COL20A1: variants seen among roughly 807,000 people sequenced by gnomAD.
COL20A1 encodes the protein collagen alpha-1(XX) chain.
In COL20A1, 164 loss-of-function variants were observed where a neutral mutation model predicts 152.9. The observed-to-expected ratio is 1.07, with a 90% confidence interval of 0.94 to 1.22. COL20A1 has a LOEUF of 1.22. Ranked by LOEUF, COL20A1 falls within the 50% of genes most tolerant of loss-of-function variation. COL20A1 has a pLI of 0.00. For missense variants in COL20A1, 1,873 were observed against 1,744.8 expected, an observed-to-expected ratio of 1.07 and a Z score of -1.31; for synonymous variants, 864 against 756.0, an observed-to-expected ratio of 1.14 and a Z score of -2.34.
Position 63,334,565 on chromosome 20 carries a change from G to C in COL20A1, c.*3849G>C, listed in dbSNP as rs1053782767. ...TCTGAGTAGCAGGAACCACAGGCGT[G>C]CGCCACCACGCTTGGCTAATGTTTT... On this transcript the variant is annotated 3_prime_UTR_variant, in exon 36 of 36. Coordinates refer to ENST00000358894, the MANE Select transcript of COL20A1 (RefSeq NM_020882.4). 6.6e-6 allele frequency: 1 copy of C among 152,212 alleles called. No homozygotes were observed. The highest frequency in any genetic ancestry group is 1.5e-5 in the Non-Finnish European group (1 of 68,052). 9.4% of individuals were successfully genotyped at this position (152,212 alleles called of 1,614,324 possible). A position where few individuals can be genotyped will look rare whatever the true frequency, so the allele number is the denominator to read the frequency against.
chr20:63,298,722 A>G (rs1325286251), intron 3 of COL20A1, among the ~76,000 whole-genome samples: 1 of 152,226 alleles, frequency 6.6e-6, no homozygotes, highest in Non-Finnish European at 1.5e-5. Context: ...TTCCAGGAGC[A>G]GGGCCTTGAG....
chr20:63,304,730 TCCC>T (rs2067902476), intron 3 of COL20A1, among the ~76,000 whole-genome samples: 1 of 144,014 alleles, frequency 6.9e-6, no homozygotes, highest in East Asian at 2.3e-4. Context: ...CCTCCCTCCC[TCCC>T]TCCCTCGAGG....
intron 7 of COL20A1, among the ~76,000 whole-genome samples, 189 bp downstream of exon 7, chr20:63,308,279 C>T (rs547364756): frequency 6.6e-5 from 10 of 152,330 alleles, no homozygotes; most frequent in Admixed American, 1.3e-4. Flanking sequence ...GTGTCCAGCG[C>T]GTGGCTCCTC....
chr20:63,316,836 G>A, intron 21 of COL20A1, 145 bp downstream of exon 21: 2 of 701,548 alleles, frequency 2.9e-6, no homozygotes, highest in Non-Finnish European at 4.3e-6. Flanking sequence ...GCAAACGGCT[G>A]ACTCACCCCA....
chr20:63,322,108 C>T lies in COL20A1; in HGVS notation c.3291C>T (p.Pro1097=). Residue 1097 remains proline, a synonymous_variant, in exon 27 of 36, where the codon CCC becomes CCT. Transcript: ENST00000358894. The part of the protein sequence containing the change: ...GTPGEQGFPG[P]RGPPGVKGEK... ...CAGGAGAGCAGGGCTTCCCAGGGCC[C>T]AGGGTAAGTTTTGGGGAGCCCTGGG... 1 of 1,498,158 alleles carries T rather than the reference C, an allele frequency of 6.7e-7. No individual in the cohort carries two copies. The highest frequency in any genetic ancestry group is 8.9e-7 in the Non-Finnish European group (1 of 1,128,176). 92.8% of individuals were successfully genotyped at this position (1,498,158 alleles called of 1,614,324 possible). A position where few individuals can be genotyped will look rare whatever the true frequency, so the allele number is the denominator to read the frequency against.
Position 63,308,106 on chromosome 20 carries a change from G to GCC in COL20A1, c.775+19_775+20dup, listed in dbSNP as rs1461328540. On this transcript the variant is annotated intron_variant, in intron 7 of 35. Transcript: ENST00000358894. ...ACGTTCACAGGTACGGCCCAGGCCT[G>GCC]CCCCTCCCTCTGTCCTGAGGGCGGA... The GCC allele has an allele frequency of 6.2e-7, 1 of 1,611,530 alleles. No homozygotes were observed. Among genetic ancestry groups the GCC allele is most frequent in the South Asian group, 1.1e-5 (1 of 91,048 alleles).
chr20:63,300,962 G>A (rs1222040980), intron 3 of COL20A1, among the ~76,000 whole-genome samples: 1 of 152,038 alleles, frequency 6.6e-6, no homozygotes, highest in Admixed American at 6.6e-5. Context: ...TTTTGTTTTG[G>A]ATTTCTTCCT....
At position 63,315,440 on chromosome 20, in the gene COL20A1, G is replaced by C. The variant is rs1224196315; in HGVS notation, c.2524+1G>C. The C allele has an allele frequency of 6.4e-7, 1 of 1,574,414 alleles. No individual in the cohort carries two copies. The highest frequency in any genetic ancestry group is 1.2e-5 in the South Asian group (1 of 86,058). ...CTCCGCCCTGACGGCTCCCTCCCAG[G>C]TGGGTCCTGCATGCCCTCCCCTGCC... On this transcript the variant is annotated splice_donor_variant, in intron 20 of 35. Transcript: ENST00000358894. LOFTEE classifies it high-confidence loss of function.
At chr20:63,293,451 G>A (rs969651937) in intron 1 of COL20A1, among the ~76,000 whole-genome samples, 176 bp downstream of exon 1, 13 of 152,112 alleles carry the variant, frequency 8.5e-5, no homozygotes, top group Non-Finnish European at 1.3e-4. Context: ...AGGAGGGGCC[G>A]GGGCAGTGGG....
chr20:63,307,860 G>A, intron 6 of COL20A1, 111 bp from the exon 7 acceptor site: 2 of 1,372,228 alleles, frequency 1.5e-6, no homozygotes, highest in Non-Finnish European at 2.0e-6. Context: ...GGCTACTGTG[G>A]CCAGGTGACC....
At chr20:63,318,459 A>G (rs2068113197) in intron 21 of COL20A1, among the ~76,000 whole-genome samples, 1 of 152,138 alleles carries the variant, frequency 6.6e-6, no homozygotes. Flanking sequence ...TTCCTGGAAC[A>G]TTAGGGGACC....
rs542192571 is a variant in COL20A1 at position 63,294,410 on chromosome 20, C to T, written c.-10-688C>T. On this transcript the variant is annotated intron_variant, in intron 1 of 35. Coordinates refer to ENST00000358894, the MANE Select transcript of COL20A1 (RefSeq NM_020882.4). ...GCTCCTCAGAGCACCCCAAATCCAA[C>T]CTCCACTCCCAGCCCCTTTGAGTGG... 3.3e-5 allele frequency among the ~76,000 whole-genome samples: 5 copies of T among 151,934 alleles called. No individual in the cohort carries two copies. The South Asian group carries it at 1.0e-3, about 32-fold the overall frequency.
chr20:63,293,606 T>A (rs1312825329), intron 1 of COL20A1, among the ~76,000 whole-genome samples: 1 of 151,740 alleles, frequency 6.6e-6, no homozygotes, highest in African/African-American at 2.4e-5. Flanking sequence ...CTGGCAGGGG[T>A]CCCACTGAGT....
chr20:63,310,310 G>A (rs1434619949), intron 10 of COL20A1, 71 bp from the exon 11 acceptor site: 44 of 1,543,858 alleles, frequency 2.9e-5, no homozygotes, highest in Non-Finnish European at 3.1e-5. Context: ...TCCAGCTGAC[G>A]GAGTTCCTGT....
chr20:63,311,317 T>C lies in COL20A1; in HGVS notation c.1394-77T>C. 7.1e-7 allele frequency: 1 copy of C among 1,410,196 alleles called. No homozygotes were observed. The highest frequency in any genetic ancestry group is 9.5e-7 in the Non-Finnish European group (1 of 1,057,722). The allele number at this position is 1,410,196 out of a possible 1,614,324, so 87.4% of individuals were successfully genotyped here. On this transcript the variant is annotated intron_variant, in intron 11 of 35. Transcript: ENST00000358894. The surrounding 1 kb of genome is among the most constrained non-coding windows in gnomAD (Gnocchi z 4.4). ...AGGCGGTGGCCGTGCCCACCCACTC[T>C]GGTGTGAGGGTGCCCCGTGCGTGGG... is the stretch of plus-strand genomic sequence containing the variant.
chr20:63,295,066 G>A (rs1437375125), intron 1 of COL20A1, 32 bp from the exon 2 acceptor site: 12 of 1,416,316 alleles, frequency 8.5e-6, no homozygotes, highest in Middle Eastern at 1.8e-4. Context: ...ACGGGGGGAC[G>A]GCTGAAGGGC....
rs779526699 is a variant in COL20A1 at position 63,307,562 on chromosome 20, T to C, written c.569T>C (p.Ile190Thr). 4 of 1,612,556 alleles carry C rather than the reference T, an allele frequency of 2.5e-6. No homozygotes were observed. The African/African-American group carries it at 5.3e-5, about 22-fold the overall frequency. ...MVFLVDGSWS[I>T]GHSHFQQVKD... ...TTCCTGGTGGACGGGTCCTGGAGCATTGGCCACAGTCACTTCCAGCAGGTC... is the reference window on the plus strand; with the variant it reads ...TTCCTGGTGGACGGGTCCTGGAGCACTGGCCACAGTCACTTCCAGCAGGTC... Residue 190 changes from isoleucine (I) to threonine (T), a missense_variant, in exon 6 of 36, where the codon ATT becomes ACT. Ile to Thr is a moderately conservative substitution (Grantham distance 89, BLOSUM62 -1). Transcript: ENST00000358894.
At chr20:63,317,075 G>T (rs1220804778) in intron 21 of COL20A1, among the ~76,000 whole-genome samples, 1 of 152,154 alleles carries the variant, frequency 6.6e-6, no homozygotes, top group Non-Finnish European at 1.5e-5. Context: ...ATGAGATTTG[G>T]GACAATTCCT....
In COL20A1 at chr20:63,306,357, G is replaced by A. The variant is rs991092970; in HGVS notation, c.496+318G>A. ...CCACACGGTCTCTGACCACGAGGCC[G>A]GGAAGTTCTTCCTCGTGTCTGACCA... is the stretch of plus-strand genomic sequence containing the variant. On this transcript the variant is annotated intron_variant, in intron 5 of 35. Transcript: ENST00000358894. The surrounding 1 kb of genome is among the most constrained non-coding windows in gnomAD (Gnocchi z 6.9). Among the ~76,000 whole-genome samples the A allele has an allele frequency of 4.2e-5, 6 of 143,070 alleles. No homozygotes were observed. Among genetic ancestry groups the A allele is most frequent in the Admixed American group, 6.9e-5 (1 of 14,582 alleles). The allele number at this position is 143,070 out of a possible 152,430, so 93.9% of individuals were successfully genotyped here. A position where few individuals can be genotyped will look rare whatever the true frequency, so the allele number is the denominator to read the frequency against.
Sources: gnomAD v4.1 joint callset for allele counts (sites outside exome capture counted in the v4.1 genomes callset) on GRCh38, gnomAD v4.1.1 for gene constraint, Gnocchi (gnomAD v3.1) non-coding constraint, MANE v1.5 for transcripts, NCBI Gene and HGNC (gene_info 2026-07-23, HGNC 2026-07-21) for gene names.